Variants in RANBP2 observed in about 807,000 individuals in gnomAD.
The protein encoded by RANBP2 is E3 SUMO-protein ligase RanBP2.
A neutral mutation model predicts 303.6 loss-of-function variants in RANBP2; 57 were observed. The ratio of observed to expected loss-of-function variants is 0.19; its 90% CI spans 0.15 to 0.23. The LOEUF is 0.23. RANBP2 is among the 10% of genes least tolerant of loss of function. RANBP2 has a pLI of 1.00. For missense variants in RANBP2, 3,138 were observed against 3,780.8 expected (o/e 0.83, Z 4.46); for synonymous variants, 1,167 against 1,301.5 (o/e 0.90, Z 2.23).
the RANBP2 span, among the ~76,000 whole-genome samples, chr2:109,484,825 A>G: frequency 3.0e-4 from 46 of 152,190 alleles, 1 homozygote; most frequent in African/African-American, 8.7e-4. Flanking sequence ...CTTTCCTGGG[A>G]CTGTCTGCAG....
the RANBP2 span, among the ~76,000 whole-genome samples, chr2:109,384,811 T>G: frequency 2.6e-5 from 4 of 152,184 alleles, no homozygotes; most frequent in African/African-American, 9.6e-5. Context: ...CCTGGGGATG[T>G]GGGCAGAAGG....
At chr2:108,796,088 G>T in the RANBP2 span, among the ~76,000 whole-genome samples, 2 of 152,086 alleles carry the variant, frequency 1.3e-5, no homozygotes, top group African/African-American at 2.4e-5. Flanking sequence ...CTCACTCTGT[G>T]CCCAGGCTGG....
the RANBP2 span, chr2:109,127,277 G>A: frequency 6.6e-6 from 1 of 152,140 alleles, no homozygotes; most frequent in East Asian, 1.9e-4. Flanking sequence ...ACCAGTAGGT[G>A]ATGAGAGAGA....
chr2:109,329,980 T>G, the RANBP2 span, among the ~76,000 whole-genome samples: 2 of 152,248 alleles, frequency 1.3e-5, no homozygotes, highest in Admixed American at 6.5e-5. Flanking sequence ...GGTGACAGTT[T>G]GACTAGCATT....
the RANBP2 span, among the ~76,000 whole-genome samples, chr2:109,549,973 CT>C: frequency 1.3e-5 from 2 of 152,136 alleles, no homozygotes; most frequent in African/African-American, 4.8e-5. Flanking sequence ...AATGCTGTAT[CT>C]TTTGTAAACA....
chr2:108,853,872 CTATATAATATATTA>C, the RANBP2 span, among the ~76,000 whole-genome samples: 1 of 113,700 alleles, frequency 8.8e-6, no homozygotes, highest in Non-Finnish European at 1.7e-5. Context: ...AATATATATA[CTATATAATATATTA>C]TATAGTATAT....
the RANBP2 span, among the ~76,000 whole-genome samples, chr2:109,161,405 C>T: frequency 3.9e-5 from 6 of 152,052 alleles, no homozygotes; most frequent in Non-Finnish European, 5.9e-5. Context: ...CCTTCGTTTC[C>T]TTTCTGTCCA....
the RANBP2 span, among the ~76,000 whole-genome samples, chr2:109,563,665 C>G: frequency 6.6e-6 from 1 of 152,166 alleles, no homozygotes; most frequent in African/African-American, 2.4e-5. Flanking sequence ...GGTTCAGATT[C>G]TAAAATTCTT....
chr2:108,772,542 G>A lies in RANBP2; in HGVS notation c.8074G>A (p.Gly2692Ser). The change falls in exon 22 of 29, where the codon GGC (glycine) becomes AGC (serine). Residue 2692 changes from glycine (G) to serine (S), a missense_variant. By Grantham distance (56) the Gly-to-Ser change is moderately conservative. Transcript: ENST00000283195. The stretch of plus-strand genomic sequence containing the variant: ...ACTTAATGGAAAACTATATTTGGAT[G>A]GCTCAGAAAAATGTAGACCCTTGGA... ...KKLNGKLYLD[G>S]SEKCRPLEEN... 3 of 1,613,810 alleles carry A rather than the reference G, an allele frequency of 1.9e-6. No homozygotes were observed. The highest frequency in any genetic ancestry group is 2.5e-6 in the Non-Finnish European group (3 of 1,179,876).
At chr2:109,107,797 G>A in the RANBP2 span, among the ~76,000 whole-genome samples, 89 of 151,852 alleles carry the variant, frequency 5.9e-4, no homozygotes, top group Admixed American at 3.8e-3. Context: ...GTGCAGAGGC[G>A]CAATCTCAGC....
the RANBP2 span, among the ~76,000 whole-genome samples, chr2:109,581,911 T>C: frequency 6.6e-6 from 1 of 152,174 alleles, no homozygotes; most frequent in Non-Finnish European, 1.5e-5. Context: ...TATAATTTCA[T>C]ACCTAGACAA....
the RANBP2 span, among the ~76,000 whole-genome samples, chr2:109,408,964 G>C: frequency 2.6e-5 from 4 of 152,174 alleles, no homozygotes; most frequent in Non-Finnish European, 5.9e-5. Flanking sequence ...TAGAAGAAAG[G>C]CTCCAGGGCA....
At chr2:108,779,324 G>A (rs773852886) in intron 25 of RANBP2, among the ~76,000 whole-genome samples, 10 of 151,864 alleles carry the variant, frequency 6.6e-5, no homozygotes, top group African/African-American at 1.7e-4. Flanking sequence ...GCAACACCCC[G>A]CTAATTCTTT....
chr2:108,835,094 G>T, the RANBP2 span, among the ~76,000 whole-genome samples: 128,555 of 152,152 alleles, frequency 0.84, 55,005 homozygotes, highest in East Asian at 0.95. Context: ...CTGCAAATCT[G>T]TGTTGGAATG....
chr2:108,910,497 C>T, the RANBP2 span: 1 of 1,613,970 alleles, frequency 6.2e-7, no homozygotes, highest in Non-Finnish European at 8.5e-7. Context: ...GTCAGCTTCT[C>T]AAATTCATCC....
chr2:109,763,149 G>A, the RANBP2 span, among the ~76,000 whole-genome samples: 2 of 149,818 alleles, frequency 1.3e-5, no homozygotes, highest in African/African-American at 4.9e-5. Context: ...TTATAGATGA[G>A]GAAATAGAAG....
At chr2:109,097,985 G>A in the RANBP2 span, among the ~76,000 whole-genome samples, 1 of 152,176 alleles carries the variant, frequency 6.6e-6, no homozygotes, top group Non-Finnish European at 1.5e-5. Context: ...GCCACGGACT[G>A]TGTTGCCCTT....
At chr2:109,544,460 A>G in the RANBP2 span, 4 of 1,386,910 alleles carry the variant, frequency 2.9e-6, no homozygotes, top group Non-Finnish European at 3.7e-6. Context: ...CAAAAACACC[A>G]AACCATATTT....
chr2:109,469,565 C>T, the RANBP2 span, among the ~76,000 whole-genome samples: 1 of 152,108 alleles, frequency 6.6e-6, no homozygotes, highest in African/African-American at 2.4e-5. Flanking sequence ...GTTAATGTGT[C>T]CTCTGTGTGT....
Sources: allele counts gnomAD v4.1 joint callset (sites outside exome capture counted in the v4.1 genomes callset), GRCh38; gene constraint gnomAD v4.1.1; transcripts MANE v1.5; gene names NCBI Gene and HGNC (gene_info 2026-07-23, HGNC 2026-07-21).